The following FAT3 variants were observed in gnomAD, a reference collection of about 807,000 sequenced individuals.
FAT3 encodes protocadherin Fat 3.
FAT3 carries 95 observed loss-of-function variants against 310.2 expected under a neutral mutation model. The ratio of observed to expected loss-of-function variants is 0.31; its 90% confidence interval spans 0.26 to 0.36. The LOEUF (loss-of-function observed/expected upper bound fraction) is 0.36, where lower values mean the gene tolerates loss of function less well. FAT3 is among the 10% of genes least tolerant of loss of function. FAT3 has a pLI of 1.00. For missense variants in FAT3, 5,408 were observed against 5,715.6 expected (o/e 0.95, Z 1.74); for synonymous variants, 2,314 against 2,192.9 (o/e 1.06, Z -1.54).
intron 2 of FAT3, among the ~76,000 whole-genome samples, chr11:92,480,266 AAAAAC>A (rs897245145): frequency 1.3e-5 from 2 of 152,256 alleles, no homozygotes; most frequent in South Asian, 2.1e-4. Context: ...CTCTGTCTCA[AAAAAC>A]AAAACAAAAC....
chr11:92,602,331 G>C (rs1277202744), intron 3 of FAT3, among the ~76,000 whole-genome samples: 1 of 152,148 alleles, frequency 6.6e-6, no homozygotes, highest in Admixed American at 6.5e-5. Context: ...TTGAACTTCT[G>C]ACCTCAGGTG....
chr11:92,489,549 T>G (rs1425082667), intron 2 of FAT3, among the ~76,000 whole-genome samples: 1 of 151,870 alleles, frequency 6.6e-6, no homozygotes, highest in Non-Finnish European at 1.5e-5. Context: ...TAGAGGAGAG[T>G]TGGTCATGGA....
At chr11:92,650,843 G>T (rs950994140) in intron 3 of FAT3, among the ~76,000 whole-genome samples, 1 of 152,194 alleles carries the variant, frequency 6.6e-6, no homozygotes, top group Non-Finnish European at 1.5e-5. Context: ...AAGGGATATT[G>T]TGAGGATTAA....
chr11:92,308,134 AGT>A (rs1285279784), intron 1 of FAT3, among the ~76,000 whole-genome samples: 1 of 152,000 alleles, frequency 6.6e-6, no homozygotes, highest in Non-Finnish European at 1.5e-5. Flanking sequence ...TTTTCACAGG[AGT>A]GTGTGTGTAT....
intron 1 of FAT3, among the ~76,000 whole-genome samples, chr11:92,343,096 G>A (rs1316867087): frequency 6.6e-6 from 1 of 152,156 alleles, no homozygotes; most frequent in Non-Finnish European, 1.5e-5. Context: ...GAGGGTATTC[G>A]TAACACTGCC....
intron 3 of FAT3, among the ~76,000 whole-genome samples, chr11:92,596,363 A>G (rs1252500876): frequency 6.6e-6 from 1 of 152,144 alleles, no homozygotes; most frequent in African/African-American, 2.4e-5. Flanking sequence ...TTGTAGAGTC[A>G]ACACAATTTT....
intron 1 of FAT3, among the ~76,000 whole-genome samples, chr11:92,315,634 C>T (rs563858239): frequency 6.6e-6 from 1 of 150,746 alleles, no homozygotes; most frequent in African/African-American, 2.4e-5. Context: ...AGTGATCCTC[C>T]CGCCTCAGCC....
intron 3 of FAT3, among the ~76,000 whole-genome samples, chr11:92,648,092 GTCT>G (rs927479585): frequency 4.6e-5 from 7 of 152,120 alleles, no homozygotes; most frequent in African/African-American, 1.4e-4. Flanking sequence ...GAGGCATAAG[GTCT>G]TCTTCTCTTC....
rs1043499174 is a variant in FAT3 at position 92,876,359 on chromosome 11, T to C, written c.12128-4372T>C. 2.0e-5 allele frequency among the ~76,000 whole-genome samples: 3 copies of C among 152,196 alleles called. 1 individual carries two copies. In the South Asian group the frequency reaches 6.2e-4, roughly 31 times the overall value. The stretch of plus-strand genomic sequence containing the variant: ...TCCCAATCCCAGCTGCCTTCAACAA[T>C]TTTCAACTCTATTAAAGTGAGCAAT... On this transcript the variant is annotated intron_variant, in intron 22 of 27. Transcript: ENST00000525166.
chr11:92,571,130 G>A (rs994340792), intron 3 of FAT3, among the ~76,000 whole-genome samples: 1 of 152,126 alleles, frequency 6.6e-6, no homozygotes, highest in Non-Finnish European at 1.5e-5. Context: ...CTAGAAATAT[G>A]ATCATTTTAG....
rs538298892 is a variant in FAT3, at chr11:92,255,042, A to G, written c.-18+29868A>G. 1.4e-4 allele frequency among the ~76,000 whole-genome samples: 21 copies of G among 152,254 alleles called. No homozygotes were observed. In the South Asian group the frequency reaches 1.9e-3, roughly 14 times the overall value. ...TTTTTTAACATCAGCAATTGGATCA[A>G]CATTTCTACTGAGCAGGAAACATAT... On this transcript the variant is annotated intron_variant, in intron 1 of 27. Transcript: ENST00000525166.
intron 2 of FAT3, among the ~76,000 whole-genome samples, chr11:92,490,767 A>G (rs767899696): frequency 6.6e-6 from 1 of 152,148 alleles, no homozygotes; most frequent in Non-Finnish European, 1.5e-5. Context: ...TAGAATTCAT[A>G]AAACATTTTC....
chr11:92,649,278 G>A (rs754318139), intron 3 of FAT3, among the ~76,000 whole-genome samples: 7 of 152,126 alleles, frequency 4.6e-5, no homozygotes, highest in Non-Finnish European at 1.0e-4. Context: ...GCGTTTTATA[G>A]CAAGCAGGAC....
intron 2 of FAT3, among the ~76,000 whole-genome samples, chr11:92,524,097 C>G (rs998614400): frequency 6.6e-6 from 1 of 152,084 alleles, no homozygotes; most frequent in East Asian, 1.9e-4. Flanking sequence ...GAGGGTTACA[C>G]CTTTGCAGGC....
intron 2 of FAT3, among the ~76,000 whole-genome samples, chr11:92,486,130 G>GTTTTGTT (rs1952381973): frequency 2.7e-5 from 1 of 37,126 alleles, no homozygotes; most frequent in Non-Finnish European, 4.8e-5. Flanking sequence ...GGCTGCTGGG[G>GTTTTGTT]TTTTTTTTTT....
In FAT3 at chr11:92,890,755, C is replaced by T. The variant is rs758824146; in HGVS notation, c.13412C>T (p.Pro4471Leu). 2 of 1,613,878 alleles carry T rather than the reference C, an allele frequency of 1.2e-6. No homozygotes were observed. The highest frequency in any genetic ancestry group is 1.7e-5 in the Admixed American group (1 of 60,022). ...TATGAGGCCCTGCCACCCTCCCAGC[C>T]TGTCTCCCTGGCCAGCACACTGAGC... The part of the protein sequence containing the change: ...DQYEALPPSQ[P>L]VSLASTLSPD... The change falls in exon 28 of 28, where the codon CCT becomes CTT. Residue 4471 changes from proline to leucine, a missense_variant. Transcript: ENST00000525166.
Position 92,620,050 on chromosome 11 carries a change from T to A in FAT3, c.3608-77334T>A, listed in dbSNP as rs138367700. ...GTGGGGTACATCTATGTTATGCTTTTATTTTCATTTATTTCAAAGTATTTC... is the reference window on the plus strand; with the variant it reads ...GTGGGGTACATCTATGTTATGCTTTAATTTTCATTTATTTCAAAGTATTTC... On this transcript the variant is annotated intron_variant, in intron 3 of 27. Transcript: ENST00000525166. Among the ~76,000 whole-genome samples, 1,190 of 152,300 alleles carry A rather than the reference T, an allele frequency of 7.8e-3. 5 individuals carry two copies. The highest frequency in any genetic ancestry group is 0.013 in the Non-Finnish European group (901 of 68,012).
chr11:92,408,195 TGA>T (rs1352551685), intron 2 of FAT3: 3 of 152,230 alleles, frequency 2.0e-5, no homozygotes, highest in African/African-American at 7.2e-5. Context: ...AAGACCAGCA[TGA>T]GAGATCTGAG....
At chr11:92,420,372 C>A (rs1488973125) in intron 2 of FAT3, among the ~76,000 whole-genome samples, 4 of 152,148 alleles carry the variant, frequency 2.6e-5, no homozygotes, top group Non-Finnish European at 5.9e-5. Flanking sequence ...TAGATTGCTC[C>A]ATGAGGATGC....
Sources: allele counts gnomAD v4.1 joint callset (sites outside exome capture counted in the v4.1 genomes callset), GRCh38; gene constraint gnomAD v4.1.1; transcripts MANE v1.5; gene names NCBI Gene and HGNC (gene_info 2026-07-23, HGNC 2026-07-21).